Variants in UBR7 observed in about 807,000 individuals in gnomAD.
UBR7 encodes ubiquitin protein ligase E3 component n-recognin 7, also known as putative E3 ubiquitin-protein ligase UBR7.
UBR7 carries 22 observed loss-of-function variants against 57.0 expected under a neutral mutation model. The ratio of observed to expected loss-of-function variants is 0.39; its 90% CI spans 0.28 to 0.55. The LOEUF is 0.55. Among genes scored for constraint, UBR7 ranks in the 20% least tolerant of loss-of-function variants. The pLI is 0.69. For missense variants in UBR7, 395 were observed against 513.2 expected, an observed-to-expected ratio of 0.77 and a Z score of 2.23; for synonymous variants, 167 against 179.8, an observed-to-expected ratio of 0.93 and a Z score of 0.57.
At chr14:93,211,378 C>CT (rs34114957) in intron 3 of UBR7, among the ~76,000 whole-genome samples, 113,627 of 150,818 alleles carry the variant, frequency 0.75, 43,871 homozygotes, top group African/African-American at 0.93. Context: ...GAAACCCCCC[C>CT]GTACTAAAAA....
intron 4 of UBR7, among the ~76,000 whole-genome samples, chr14:93,213,489 A>G (rs988763838): frequency 6.6e-6 from 1 of 151,964 alleles, no homozygotes; most frequent in African/African-American, 2.4e-5. Context: ...TTGTAATTTT[A>G]GTAGAGTCAG....
chr14:93,216,427 T>A (rs142143285), intron 6 of UBR7, among the ~76,000 whole-genome samples: 1 of 152,148 alleles, frequency 6.6e-6, no homozygotes, highest in Non-Finnish European at 1.5e-5. Flanking sequence ...AACTATCTTA[T>A]TGGTAATGCT....
Position 93,215,280 on chromosome 14 carries a change from A to C in UBR7, c.600A>C (p.Ala200=). The C allele has an allele frequency of 6.4e-7, 1 of 1,570,976 alleles. No individual in the cohort carries two copies. Among genetic ancestry groups the C allele is most frequent in the African/African-American group, 1.3e-5 (1 of 74,528 alleles). ...SFLWAYAAQL[A]VTKISTEDDG... ...TGTGGGCTTATGCTGCACAATTGGC[A>C]GGTAGGTATCTTTGTGAAGTTGGTG... The change falls in exon 6 of 11, where the codon GCA becomes GCC. Residue 200 remains alanine (A), a splice_region_variant and synonymous_variant. Coordinates refer to ENST00000013070, the MANE Select transcript of UBR7 (RefSeq NM_175748.4).
At chr14:93,225,451 A>T (rs1427038718) in intron 10 of UBR7, among the ~76,000 whole-genome samples, 1 of 104,932 alleles carries the variant, frequency 9.5e-6, no homozygotes. Flanking sequence ...AGATGATGAG[A>T]CCCCGCCTCT....
chr14:93,211,274 C>T (rs759437529), intron 3 of UBR7, among the ~76,000 whole-genome samples: 2 of 151,448 alleles, frequency 1.3e-5, no homozygotes, highest in South Asian at 2.1e-4. Context: ...AGGCCGGGCA[C>T]GGTGGCTCAC....
chr14:93,215,415 G>C (rs1894571172), intron 6 of UBR7, 134 bp downstream of exon 6: 5 of 841,746 alleles, frequency 5.9e-6, no homozygotes, highest in South Asian at 1.4e-5. Context: ...GCCAGGCATG[G>C]TGGCTCACGC....
chr14:93,213,515 G>A (rs1894531763), intron 4 of UBR7, among the ~76,000 whole-genome samples: 1 of 152,042 alleles, frequency 6.6e-6, no homozygotes, highest in South Asian at 2.1e-4. Flanking sequence ...CACCGTGTTA[G>A]CCAGGATGGT....
chr14:93,216,661 G>A (rs536910193), intron 6 of UBR7, among the ~76,000 whole-genome samples: 125 of 151,508 alleles, frequency 8.3e-4, no homozygotes, highest in African/African-American at 2.8e-3. Context: ...TGTTATCCAG[G>A]CTGGAGTACA....
intron 1 of UBR7, among the ~76,000 whole-genome samples, chr14:93,207,844 C>T (rs1454006933): frequency 6.6e-6 from 1 of 152,092 alleles, no homozygotes; most frequent in East Asian, 1.9e-4. Context: ...TATTAGGGAC[C>T]GAATGGGAGA....
At position 93,219,357 on chromosome 14, in the gene UBR7, G is replaced by A; in HGVS notation, c.956G>A (p.Cys319Tyr). Reference protein sequence around the residue: ...WRSKLCTCQDCMKMYGDLDVL... With the variant: ...WRSKLCTCQDYMKMYGDLDVL... ...AGCAAGTTGTGTACCTGCCAAGACT[G>A]TATGGTAAAGTATCTGATTGTGCTC... Residue 319 changes from cysteine (C) to tyrosine (Y), a missense_variant, in exon 8 of 11, where the codon TGT becomes TAT. By Grantham distance (194) the Cys-to-Tyr change is radical. Transcript: ENST00000013070. The A allele has an allele frequency of 6.2e-7, 1 of 1,614,162 alleles. No individual in the cohort carries two copies. Among genetic ancestry groups the A allele is most frequent in the Non-Finnish European group, 8.5e-7 (1 of 1,180,040 alleles).
intron 6 of UBR7, among the ~76,000 whole-genome samples, chr14:93,216,731 C>T (rs1015004325): frequency 4.0e-5 from 6 of 151,800 alleles, no homozygotes; most frequent in East Asian, 2.0e-4. Flanking sequence ...TCTTGTGACG[C>T]GGCTTCCAGA....
intron 1 of UBR7, among the ~76,000 whole-genome samples, chr14:93,207,676 C>G (rs1344552036): frequency 6.6e-6 from 1 of 152,156 alleles, no homozygotes; most frequent in Non-Finnish European, 1.5e-5. Flanking sequence ...CCAACTCTGT[C>G]CGGCCCGCCA....
chr14:93,208,952 C>T (rs1180475928), intron 1 of UBR7, among the ~76,000 whole-genome samples: 1 of 152,172 alleles, frequency 6.6e-6, no homozygotes. Context: ...CGCCCGCCAT[C>T]ACGTCCAGCT....
At chr14:93,215,305 G>T (rs1251898200) in intron 6 of UBR7, 24 bp downstream of exon 6, 2 of 1,545,464 alleles carry the variant, frequency 1.3e-6, no homozygotes, top group African/African-American at 1.4e-5. Flanking sequence ...TGAAGTTGGT[G>T]TGCCACAAAC....
At chr14:93,222,400 C>T in intron 10 of UBR7, 26 bp downstream of exon 10, 1 of 1,517,512 alleles carries the variant, frequency 6.6e-7, no homozygotes, top group Non-Finnish European at 9.2e-7. Context: ...GAATTCTAAT[C>T]ATAGCCCTGT....
At chr14:93,211,552 A>C (rs1160880755) in intron 3 of UBR7, among the ~76,000 whole-genome samples, 1 of 151,894 alleles carries the variant, frequency 6.6e-6, no homozygotes, top group Non-Finnish European at 1.5e-5. Context: ...ATCTCAAAAA[A>C]AAAAGAAAAA....
At chr14:93,226,776 G>C (rs1404260127) in intron 10 of UBR7, among the ~76,000 whole-genome samples, 167 bp from the exon 11 acceptor site, 1 of 136,728 alleles carries the variant, frequency 7.3e-6, no homozygotes, top group African/African-American at 2.8e-5. Context: ...CTGGGTGACA[G>C]AGCGACACTC....
At position 93,207,316 on chromosome 14, in the gene UBR7, G is replaced by A; in HGVS notation, c.25G>A (p.Gly9Arg). The change falls in exon 1 of 11, where the codon GGG (glycine) becomes AGG (arginine). Residue 9 changes from glycine (G) to arginine (R), a missense_variant. Physicochemically the swap from Gly to Arg is moderately radical, Grantham distance 125 (BLOSUM62 -2). Transcript: ENST00000013070. MAGAEGAA[G>R]RQSELEPVVS... ...GATGGCCGGAGCCGAGGGCGCCGCT[G>A]GGCGGCAGTCGGAGCTGGAGCCCGT... 1 of 1,557,950 alleles carries A rather than the reference G, an allele frequency of 6.4e-7. No individual in the cohort carries two copies. The highest frequency in any genetic ancestry group is 1.4e-5 in the African/African-American group (1 of 73,546).
At chr14:93,214,087 C>T (rs981640635) in intron 4 of UBR7, among the ~76,000 whole-genome samples, 2 of 152,100 alleles carry the variant, frequency 1.3e-5, no homozygotes, top group Non-Finnish European at 2.9e-5. Flanking sequence ...CCACCATGCC[C>T]GGCTAATTTG....
Sources: gnomAD v4.1 joint callset for allele counts (sites outside exome capture counted in the v4.1 genomes callset) on GRCh38, gnomAD v4.1.1 for gene constraint, MANE v1.5 for transcripts, NCBI Gene and HGNC (gene_info 2026-07-23, HGNC 2026-07-21) for gene names.